KCNJ6: variants seen among roughly 807,000 people sequenced by gnomAD.
KCNJ6 encodes the protein G protein-activated inward rectifier potassium channel 2.
Under a neutral mutation model 34.2 loss-of-function variants are expected in KCNJ6, and 9 were observed. The observed-to-expected ratio is 0.26, with a 90% CI of 0.16 to 0.46. The LOEUF (loss-of-function observed/expected upper bound fraction) is 0.46. Ranked by LOEUF, KCNJ6 falls within the 20% of genes least tolerant of loss-of-function variation. KCNJ6 has a pLI of 1.00. For synonymous variants in KCNJ6, 196 were observed against 207.1 expected, an observed-to-expected ratio of 0.95 and a Z score of 0.46; for missense variants, 236 against 531.3, an observed-to-expected ratio of 0.44 and a Z score of 5.46.
chr21:37,891,842 T>C (rs1040573113), intron 1 of KCNJ6, among the ~76,000 whole-genome samples: 2 of 152,140 alleles, frequency 1.3e-5, no homozygotes, highest in Non-Finnish European at 2.9e-5. Flanking sequence ...AGCAAGGACA[T>C]TGGTGCTGAT....
intron 1 of KCNJ6, among the ~76,000 whole-genome samples, chr21:37,907,326 T>G (rs570060983): frequency 2.0e-5 from 3 of 151,708 alleles, no homozygotes; most frequent in Admixed American, 6.6e-5. Context: ...ATATCATTTT[T>G]GGTTAAATGT....
At chr21:37,845,824 C>G (rs112348991) in intron 1 of KCNJ6, among the ~76,000 whole-genome samples, 3,219 of 152,288 alleles carry the variant, frequency 0.021, 51 homozygotes, top group Non-Finnish European at 0.035. Context: ...CAACCCACAC[C>G]TGTATTTCCA....
At chr21:37,891,626 T>A (rs577854830) in intron 1 of KCNJ6, among the ~76,000 whole-genome samples, 1 of 152,248 alleles carries the variant, frequency 6.6e-6, no homozygotes, top group African/African-American at 2.4e-5. Flanking sequence ...GGTGAGAACA[T>A]TTCCAGGCTT....
intron 2 of KCNJ6, among the ~76,000 whole-genome samples, chr21:37,757,388 T>A (rs62224368): frequency 1 from 668 of 670 alleles, 334 homozygotes; most frequent in Non-Finnish European, 1. Context: ...GCCTGGAGTG[T>A]GCTCTCCCTC....
chr21:37,761,890 G>C (rs1032407936), intron 2 of KCNJ6, among the ~76,000 whole-genome samples: 2 of 152,136 alleles, frequency 1.3e-5, no homozygotes, highest in African/African-American at 4.8e-5. Flanking sequence ...TGCAACCCAT[G>C]CTCACTGTGC....
chr21:37,663,397 TG>T (rs1289763434), intron 3 of KCNJ6, among the ~76,000 whole-genome samples: 1 of 152,074 alleles, frequency 6.6e-6, no homozygotes, highest in East Asian at 1.9e-4. Context: ...GCAAAAAAGT[TG>T]AAGACCACTG....
intron 2 of KCNJ6, among the ~76,000 whole-genome samples, chr21:37,771,920 A>T (rs1368646580): frequency 6.6e-6 from 1 of 152,208 alleles, no homozygotes; most frequent in African/African-American, 2.4e-5. Context: ...TGAGAGGTCC[A>T]AAAAACGAAC....
chr21:37,743,361 G>A (rs961709320), intron 2 of KCNJ6, among the ~76,000 whole-genome samples: 1 of 152,132 alleles, frequency 6.6e-6, no homozygotes, highest in South Asian at 2.1e-4. Context: ...ATATATATCT[G>A]TAGATGCCCT....
chr21:37,838,080 T>G lies in KCNJ6; in HGVS notation c.25+2578A>C, dbSNP rs578179263. Among the ~76,000 whole-genome samples the G allele has an allele frequency of 2.6e-5, 4 of 152,316 alleles. No homozygotes were observed. In the South Asian group the frequency reaches 8.3e-4, roughly 32 times the overall value. On this transcript the variant is annotated intron_variant, in intron 2 of 3. Coordinates refer to ENST00000609713, the MANE Select transcript of KCNJ6 (RefSeq NM_002240.5). ...AATTTCCTTATGCATTGAGAAACAT[T>G]TATGCAATCTTTTTCATAATGACAG... is the stretch of plus-strand genomic sequence containing the variant.
intron 1 of KCNJ6, among the ~76,000 whole-genome samples, chr21:37,841,087 T>C (rs2055478449): frequency 6.6e-6 from 1 of 152,188 alleles, no homozygotes; most frequent in Non-Finnish European, 1.5e-5. Flanking sequence ...TTGGAGTTGA[T>C]ATTTTTGTAG....
At chr21:37,724,652 T>C (rs554623076) in intron 2 of KCNJ6, among the ~76,000 whole-genome samples, 5 of 152,074 alleles carry the variant, frequency 3.3e-5, no homozygotes, top group Admixed American at 6.5e-5. Flanking sequence ...TGGCAGAGGA[T>C]CATGTTCGTT....
intron 2 of KCNJ6, among the ~76,000 whole-genome samples, chr21:37,790,660 A>T (rs2055212499): frequency 6.6e-6 from 1 of 152,184 alleles, no homozygotes; most frequent in African/African-American, 2.4e-5. Context: ...ACCAGTGTGG[A>T]TTTCTGCTAC....
intron 1 of KCNJ6, among the ~76,000 whole-genome samples, chr21:37,892,455 A>G (rs546558849): frequency 2.6e-5 from 4 of 152,282 alleles, no homozygotes; most frequent in African/African-American, 9.6e-5. Context: ...ATCTGGCTAT[A>G]TTTCTTGTTT....
intron 1 of KCNJ6, among the ~76,000 whole-genome samples, chr21:37,845,033 T>C (rs949514785): frequency 2.0e-5 from 3 of 152,202 alleles, no homozygotes; most frequent in African/African-American, 7.2e-5. Context: ...GGTGTGCTCA[T>C]TTCAGAAGTG....
intron 2 of KCNJ6, among the ~76,000 whole-genome samples, chr21:37,728,000 T>C (rs538693509): frequency 6.6e-6 from 1 of 152,346 alleles, no homozygotes; most frequent in African/African-American, 2.4e-5. Flanking sequence ...AGTATTTGTA[T>C]ATCCATGTTC....
chr21:37,899,654 G>A (rs960650945), intron 1 of KCNJ6, among the ~76,000 whole-genome samples: 1 of 152,202 alleles, frequency 6.6e-6, no homozygotes, highest in African/African-American at 2.4e-5. Context: ...GGTGGGAAGA[G>A]TTCAAGGCCA....
intron 2 of KCNJ6, among the ~76,000 whole-genome samples, chr21:37,781,477 A>G (rs575338018): frequency 6.6e-6 from 1 of 152,306 alleles, no homozygotes; most frequent in East Asian, 1.9e-4. Flanking sequence ...CTAATGACAA[A>G]GAGATAACTC....
At chr21:37,845,016 G>A (rs988165579) in intron 1 of KCNJ6, among the ~76,000 whole-genome samples, 4 of 152,138 alleles carry the variant, frequency 2.6e-5, no homozygotes, top group African/African-American at 9.7e-5. Context: ...TGGAGCTACT[G>A]TTTCCTGGTG....
rs2054273261 is a variant in KCNJ6, at chr21:37,617,067, C to CTT, written c.*8090_*8091dup. 8.6e-5 allele frequency: 7 copies of CTT among 81,268 alleles called. No individual in the cohort carries two copies. In the South Asian group the frequency reaches 2.6e-3, roughly 30 times the overall value. 5.0% of individuals were successfully genotyped at this position (81,268 alleles called of 1,614,324 possible). A position where few individuals can be genotyped will look rare whatever the true frequency, so the allele number is the denominator to read the frequency against. ...TTCTTTCTTTCTTTTCTTTTCTTTT[C>CTT]TTTTCTTTTCTTTCTTTTTCTTTCT... On this transcript the variant is annotated 3_prime_UTR_variant, in exon 4 of 4. Transcript: ENST00000609713.
Sources: allele counts gnomAD v4.1 joint callset (sites outside exome capture counted in the v4.1 genomes callset), GRCh38; gene constraint gnomAD v4.1.1; transcripts MANE v1.5; gene names NCBI Gene and HGNC (gene_info 2026-07-23, HGNC 2026-07-21).